The following HAVCR1 variants were observed in gnomAD, a reference collection of about 807,000 sequenced individuals.
HAVCR1 encodes the protein T cell immunoglobin domain and mucin domain protein 1.
Under a neutral mutation model 32.0 loss-of-function variants are expected in HAVCR1, and 34 were observed. The observed-to-expected ratio is 1.06, with a 90% CI of 0.81 to 1.42. The LOEUF is 1.42. Ranked by LOEUF, HAVCR1 falls within the 40% of genes most tolerant of loss-of-function variation. HAVCR1 has a pLI of 0.00. For missense variants in HAVCR1, 420 were observed against 442.3 expected (o/e 0.95, Z 0.45); for synonymous variants, 178 against 170.3 (o/e 1.05, Z -0.35).
At chr5:157,030,603 A>C (rs1754116863) in intron 8 of HAVCR1, among the ~76,000 whole-genome samples, 2 of 151,868 alleles carry the variant, frequency 1.3e-5, no homozygotes, top group African/African-American at 4.8e-5. Flanking sequence ...CAGTGAGCCG[A>C]GATCACACCA....
chr5:157,060,779 T>C (rs1370679392), upstream of HAVCR1, among the ~76,000 whole-genome samples: 2 of 152,224 alleles, frequency 1.3e-5, no homozygotes, highest in Non-Finnish European at 2.9e-5. Context: ...GGATCGATTC[T>C]GTCTCCAGTA....
At chr5:157,062,415 T>C (rs1561610169), upstream of HAVCR1, among the ~76,000 whole-genome samples, 2 of 152,184 alleles carry the variant, frequency 1.3e-5, no homozygotes, top group African/African-American at 2.4e-5. Flanking sequence ...TTCACTGTTC[T>C]TTCTTGCAAT....
At chr5:157,035,019 C>G (rs565206005) in intron 7 of HAVCR1, among the ~76,000 whole-genome samples, 1 of 152,110 alleles carries the variant, frequency 6.6e-6, no homozygotes, top group Admixed American at 6.5e-5. Context: ...GCATTCCAGT[C>G]TGAGTGACAG....
At chr5:157,062,461 T>C (rs1285561162), upstream of HAVCR1, among the ~76,000 whole-genome samples, 1 of 152,218 alleles carries the variant, frequency 6.6e-6, no homozygotes, top group African/African-American at 2.4e-5. Flanking sequence ...GCGCACATCG[T>C]ACCTCCAGCT....
chr5:157,055,380 G>A lies in HAVCR1; in HGVS notation c.200C>T (p.Thr67Ile), dbSNP rs1394990036. The stretch of plus-strand genomic sequence containing the variant: ...TGTGTCCTTCCGATAGGTGACGTGG[G>A]TTCCATTGGTCCAGACAATGCCATT... ...CQNGIVWTNG[T>I]HVTYRKDTRY... is the part of the protein sequence containing the mutation. The change falls in exon 3 of 9, where the codon ACC becomes ATC. Residue 67 changes from threonine to isoleucine, a missense_variant. Thr to Ile is a moderately conservative substitution (Grantham distance 89, BLOSUM62 -1). Transcript: ENST00000523175. 3.1e-6 allele frequency: 5 copies of A among 1,613,572 alleles called. No individual in the cohort carries two copies. In the African/African-American group the frequency reaches 6.7e-5, roughly 22 times the overall value.
the HAVCR1 span, among the ~76,000 whole-genome samples, chr5:157,065,129 G>A: frequency 3.9e-5 from 6 of 152,034 alleles, no homozygotes; most frequent in Non-Finnish European, 7.4e-5. Context: ...ACTGTGCTGG[G>A]TAACACGATG....
chr5:157,053,848 C>T (rs866694882), intron 3 of HAVCR1, among the ~76,000 whole-genome samples: 5 of 149,032 alleles, frequency 3.4e-5, no homozygotes, highest in South Asian at 2.1e-4. Flanking sequence ...CCAGCCTGGG[C>T]GACAGAGAAA....
rs1184674965 is a variant in HAVCR1 at position 157,055,303 on chromosome 5, C to A, written c.277G>T (p.Glu93Ter). The A allele has an allele frequency of 6.2e-7, 1 of 1,613,502 alleles. No homozygotes were observed. Among genetic ancestry groups the A allele is most frequent in the Non-Finnish European group, 8.5e-7 (1 of 1,179,390 alleles). ...CCACTGTCAGACACAGCTGTATTTT[C>A]TATGGTCAAAGAGACATCCCTTCTT... is the stretch of plus-strand genomic sequence containing the variant. ...LSRRDVSLTI[E>*]NTAVSDSGVY... The change falls in exon 3 of 9, where the codon GAA becomes TAA. Residue 93 changes from glutamate to a stop codon, truncating the protein, a stop_gained. Coordinates refer to ENST00000523175, the MANE Select transcript of HAVCR1 (RefSeq NM_001173393.3). LOFTEE classifies it high-confidence loss of function.
the HAVCR1 span, among the ~76,000 whole-genome samples, chr5:157,066,853 G>A: frequency 6.6e-6 from 1 of 152,234 alleles, no homozygotes; most frequent in African/African-American, 2.4e-5. Context: ...TTGGGAGGCT[G>A]AGGCAGGCGG....
chr5:157,067,286 C>T, the HAVCR1 span, among the ~76,000 whole-genome samples: 10 of 152,304 alleles, frequency 6.6e-5, no homozygotes, highest in East Asian at 1.9e-3. Context: ...TAATGGCTTG[C>T]CAGTGCCTTT....
chr5:157,066,246 G>A, the HAVCR1 span, among the ~76,000 whole-genome samples: 2 of 152,038 alleles, frequency 1.3e-5, no homozygotes, highest in Admixed American at 6.6e-5. Context: ...GACTGAGCAA[G>A]CTGGAGATTA....
chr5:157,041,931 C>T (rs1028557156), intron 6 of HAVCR1, among the ~76,000 whole-genome samples: 1 of 152,034 alleles, frequency 6.6e-6, no homozygotes, highest in African/African-American at 2.4e-5. Context: ...TGGTGGCGTG[C>T]GCCTGTAGTC....
chr5:157,066,014 C>A, the HAVCR1 span, among the ~76,000 whole-genome samples: 1 of 140,642 alleles, frequency 7.1e-6, no homozygotes, highest in Admixed American at 7.6e-5. Flanking sequence ...CGAGATCGCA[C>A]CACTGCACTC....
At position 157,052,470 on chromosome 5, in the gene HAVCR1, CGTT is replaced by C; in HGVS notation, c.561_563del (p.Thr188del). On this transcript the variant is annotated inframe_deletion, in exon 4 of 9. Transcript: ENST00000523175. ...GAATGCTCGTTGTCGTTGGAACGCT[CGTT>C]GTCGTTGAAACAGTCATTGTCGTCA... The C allele has an allele frequency of 6.2e-7, 1 of 1,602,802 alleles. No homozygotes were observed. The highest frequency in any genetic ancestry group is 2.2e-5 in the East Asian group (1 of 44,544).
intron 5 of HAVCR1, among the ~76,000 whole-genome samples, chr5:157,043,788 T>C (rs1755061928): frequency 6.6e-6 from 1 of 152,228 alleles, no homozygotes; most frequent in Admixed American, 6.5e-5. Context: ...GTTAGTTCCT[T>C]AATCCCATTT....
intron 7 of HAVCR1, among the ~76,000 whole-genome samples, chr5:157,034,227 T>C (rs1754384975): frequency 6.6e-6 from 1 of 151,824 alleles, no homozygotes; most frequent in Non-Finnish European, 1.5e-5. Flanking sequence ...GGCAGGACTA[T>C]AGGGTAATGG....
At chr5:157,056,466 G>A (rs1174905445) in intron 2 of HAVCR1, among the ~76,000 whole-genome samples, 7 of 144,826 alleles carry the variant, frequency 4.8e-5, no homozygotes, top group African/African-American at 1.3e-4. Flanking sequence ...TGCAAGCTCC[G>A]CCTCCCAGGT....
chr5:157,038,279 C>T (rs1328467325), intron 6 of HAVCR1, among the ~76,000 whole-genome samples: 1 of 152,168 alleles, frequency 6.6e-6, no homozygotes, highest in Non-Finnish European at 1.5e-5. Context: ...TCATCACCTC[C>T]TGGAATAGGC....
At chr5:157,045,911 A>G (rs1755369507) in intron 5 of HAVCR1, among the ~76,000 whole-genome samples, 1 of 152,180 alleles carries the variant, frequency 6.6e-6, no homozygotes, top group Non-Finnish European at 1.5e-5. Flanking sequence ...TCACTGACAT[A>G]GTATTTCGGA....
Sources: gnomAD v4.1 joint callset for allele counts (sites outside exome capture counted in the v4.1 genomes callset) on GRCh38, gnomAD v4.1.1 for gene constraint, MANE v1.5 for transcripts, NCBI Gene and HGNC (gene_info 2026-07-23, HGNC 2026-07-21) for gene names.